SEPTIN7: variants seen among roughly 807,000 people sequenced by gnomAD.
SEPTIN7 encodes the protein septin-7.
SEPTIN7 carries 10 observed loss-of-function variants against 63.3 expected under a neutral mutation model. The observed-to-expected ratio is 0.16, with a 90% CI of 0.10 to 0.27. The LOEUF is 0.27. Ranked by LOEUF, SEPTIN7 falls within the 10% of genes least tolerant of loss-of-function variation. The probability of loss-of-function intolerance (pLI) is 1.00; values close to 1 mark genes in which losing one functional copy is unlikely to be tolerated. For synonymous variants in SEPTIN7, 131 were observed against 165.3 expected, an observed-to-expected ratio of 0.79 and a Z score of 1.59; for missense variants, 310 against 521.0, an observed-to-expected ratio of 0.59 and a Z score of 3.94.
chr7:35,886,043 T>G (rs1267326300), intron 10 of SEPTIN7, among the ~76,000 whole-genome samples, 164 bp downstream of exon 10: 1 of 152,240 alleles, frequency 6.6e-6, no homozygotes, highest in Non-Finnish European at 1.5e-5. Flanking sequence ...TCCAAGGTTT[T>G]GAAGTCATGA....
chr7:35,870,470 T>C (rs1336974217), intron 4 of SEPTIN7, among the ~76,000 whole-genome samples: 1 of 152,164 alleles, frequency 6.6e-6, no homozygotes, highest in Admixed American at 6.5e-5. Context: ...CACTTTCTAG[T>C]GTGTAGTACT....
Position 35,801,228 on chromosome 7 carries a change from TC to T in SEPTIN7, c.21del (p.Ala8LeufsTer14). The T allele has an allele frequency of 6.5e-7, 1 of 1,533,104 alleles. No homozygotes were observed. The highest frequency in any genetic ancestry group is 8.8e-7 in the Non-Finnish European group (1 of 1,140,726). 95.0% of individuals were successfully genotyped at this position (1,533,104 alleles called of 1,614,324 possible). A position where few individuals can be genotyped will look rare whatever the true frequency, so the allele number is the denominator to read the frequency against. MSVSARSAAAEERSVNS... is the reference protein window; with the variant it reads MSVSARXAAAEERSVNS... Reference sequence around the variant, plus strand: ...GGAGGGGATGTCGGTCAGTGCGAGATCCGCTGCTGCTGAGGAGAGGAGCGTC... The same window carrying T: ...GGAGGGGATGTCGGTCAGTGCGAGATCGCTGCTGCTGAGGAGAGGAGCGTC... On this transcript the variant is annotated frameshift_variant, in exon 1 of 14. Coordinates refer to ENST00000350320, the MANE Select transcript of SEPTIN7 (RefSeq NM_001788.6).
intron 1 of SEPTIN7, chr7:35,815,153 CT>C (rs936756958): frequency 4.5e-6 from 2 of 447,290 alleles, no homozygotes; most frequent in African/African-American, 4.0e-5. Flanking sequence ...AGGGGTACTT[CT>C]TTACTTTCTA....
intron 11 of SEPTIN7, among the ~76,000 whole-genome samples, chr7:35,896,017 G>A (rs1384831753): frequency 6.6e-6 from 1 of 152,104 alleles, no homozygotes; most frequent in Admixed American, 6.5e-5. Flanking sequence ...CACCATGTTG[G>A]CCACGCTGGT....
At chr7:35,814,889 G>A (rs1054293079) in intron 1 of SEPTIN7, among the ~76,000 whole-genome samples, 1 of 150,772 alleles carries the variant, frequency 6.6e-6, no homozygotes, top group Non-Finnish European at 1.5e-5. Flanking sequence ...GCAGGGGAAT[G>A]GCCTAAACCT....
At chr7:35,873,852 C>A in intron 6 of SEPTIN7, 77 bp downstream of exon 6, 1 of 1,388,294 alleles carries the variant, frequency 7.2e-7, no homozygotes, top group Admixed American at 1.9e-5. Context: ...CTTTAGTAAT[C>A]TTTAAGTTTG....
chr7:35,845,833 A>G (rs1468026582), intron 3 of SEPTIN7, among the ~76,000 whole-genome samples: 2 of 152,144 alleles, frequency 1.3e-5, no homozygotes, highest in East Asian at 3.9e-4. Context: ...TAAAGTTAAT[A>G]AACTTTAAAA....
chr7:35,902,047 A>G lies in SEPTIN7; in HGVS notation c.1135-1029A>G, dbSNP rs564517025. ...AATTATAGTAACATATATAATATGT[A>G]TATAATATATAATACATATAATAGT... On this transcript the variant is annotated intron_variant, in intron 12 of 13. Coordinates refer to ENST00000350320, the MANE Select transcript of SEPTIN7 (RefSeq NM_001788.6). The G allele has an allele frequency of 2.6e-3, 386 of 149,688 alleles. 2 individuals carry two copies. The highest frequency in any genetic ancestry group is 9.0e-3 in the African/African-American group (370 of 41,080). The allele number at this position is 149,688 out of a possible 1,614,324, so 9.3% of individuals were successfully genotyped here. A position where few individuals can be genotyped will look rare whatever the true frequency, so the allele number is the denominator to read the frequency against.
intron 3 of SEPTIN7, among the ~76,000 whole-genome samples, chr7:35,851,680 T>C (rs531941555): frequency 6.6e-6 from 1 of 152,300 alleles, no homozygotes; most frequent in African/African-American, 2.4e-5. Flanking sequence ...CTCTATTGTT[T>C]TGCATTAATG....
chr7:35,804,475 G>C (rs1263188245), intron 1 of SEPTIN7, among the ~76,000 whole-genome samples: 2 of 152,122 alleles, frequency 1.3e-5, no homozygotes, highest in African/African-American at 2.4e-5. Context: ...ACTTACACTT[G>C]GTGCAGTCCA....
intron 11 of SEPTIN7, among the ~76,000 whole-genome samples, chr7:35,896,987 G>C (rs558382419): frequency 5.3e-5 from 8 of 152,190 alleles, no homozygotes; most frequent in Admixed American, 5.2e-4. Flanking sequence ...CTGCTTCCCT[G>C]TTAGAAAAGA....
chr7:35,831,080 G>T (rs1028858158), intron 1 of SEPTIN7, among the ~76,000 whole-genome samples: 3 of 151,992 alleles, frequency 2.0e-5, no homozygotes, highest in African/African-American at 4.8e-5. Context: ...TTTAAAACTT[G>T]GTTCCTGTAT....
intron 5 of SEPTIN7, 117 bp from the exon 6 acceptor site, chr7:35,873,523 TA>T: frequency 1.2e-6 from 1 of 867,830 alleles, no homozygotes. Context: ...TAACTTGACA[TA>T]TCTTCTACTG....
At chr7:35,890,627 G>T in intron 10 of SEPTIN7, 41 bp from the exon 11 acceptor site, 3 of 1,385,036 alleles carry the variant, frequency 2.2e-6, no homozygotes, top group South Asian at 1.9e-5. Flanking sequence ...TTTCCCCCTA[G>T]CTATTAATAG....
chr7:35,840,377 G>A (rs1422760033), intron 3 of SEPTIN7, among the ~76,000 whole-genome samples: 1 of 150,332 alleles, frequency 6.7e-6, no homozygotes, highest in Non-Finnish European at 1.5e-5. Context: ...TCCCACCTCA[G>A]CCTCCCAAGT....
Position 35,907,018 on chromosome 7 carries a change from A to G in SEPTIN7, c.*2725A>G, listed in dbSNP as rs1788637664. 1 of 152,242 alleles carries G rather than the reference A, an allele frequency of 6.6e-6. No individual in the cohort carries two copies. The highest frequency in any genetic ancestry group is 2.4e-5 in the African/African-American group (1 of 41,470). 9.4% of individuals were successfully genotyped at this position (152,242 alleles called of 1,614,324 possible). On this transcript the variant is annotated 3_prime_UTR_variant, in exon 14 of 14. Transcript: ENST00000350320. ...CCATAATTATATGTATTGAACAATG[A>G]AAATATGTGTCAACAAATGTACTGC...
At chr7:35,832,984 G>A in intron 3 of SEPTIN7, 84 bp downstream of exon 3, 1 of 791,920 alleles carries the variant, frequency 1.3e-6, no homozygotes, top group Non-Finnish European at 2.2e-6. Flanking sequence ...AGAAAACACT[G>A]GCACAGATAT....
chr7:35,867,669 A>G (rs1466522204), intron 4 of SEPTIN7, among the ~76,000 whole-genome samples: 2 of 152,140 alleles, frequency 1.3e-5, no homozygotes, highest in Non-Finnish European at 2.9e-5. Context: ...AAATTTTTAA[A>G]TCATACTTCA....
At chr7:35,808,987 C>T (rs1788532137) in intron 1 of SEPTIN7, among the ~76,000 whole-genome samples, 1 of 152,100 alleles carries the variant, frequency 6.6e-6, no homozygotes, top group Admixed American at 6.5e-5. Context: ...AGGAGACTAC[C>T]ACTTAAAAGT....
Sources: allele counts gnomAD v4.1 joint callset (sites outside exome capture counted in the v4.1 genomes callset), GRCh38; gene constraint gnomAD v4.1.1; transcripts MANE v1.5; gene names NCBI Gene and HGNC (gene_info 2026-07-23, HGNC 2026-07-21).